CACHD1: variants seen among roughly 807,000 people sequenced by gnomAD.
CACHD1 encodes the protein cache domain containing 1.
In CACHD1, 71 loss-of-function variants were observed where a neutral mutation model predicts 138.7. The ratio of observed to expected loss-of-function variants is 0.51; its 90% CI spans 0.42 to 0.62. The LOEUF (loss-of-function observed/expected upper bound fraction) is 0.62. CACHD1 is among the 20% of genes least tolerant of loss of function. The pLI, the probability that CACHD1 is intolerant of heterozygous loss-of-function variation, is 0.00. For missense variants in CACHD1, 1,389 were observed against 1,625.3 expected (o/e 0.85, Z 2.50); for synonymous variants, 578 against 591.5 (o/e 0.98, Z 0.33).
At chr1:64,593,794 T>C (rs1233653199) in intron 3 of CACHD1, among the ~76,000 whole-genome samples, 3 of 152,208 alleles carry the variant, frequency 2.0e-5, no homozygotes, top group Non-Finnish European at 2.9e-5. Context: ...GAAAGCTTTG[T>C]ATTTATGAAA....
chr1:64,521,322 G>C (rs1419812077), intron 1 of CACHD1, among the ~76,000 whole-genome samples: 2 of 152,202 alleles, frequency 1.3e-5, no homozygotes, highest in African/African-American at 4.8e-5. Flanking sequence ...GGGCCAGCTA[G>C]AGTATGTCTT....
intron 16 of CACHD1, among the ~76,000 whole-genome samples, chr1:64,668,525 A>G (rs1182983929): frequency 6.6e-6 from 1 of 152,150 alleles, no homozygotes; most frequent in African/African-American, 2.4e-5. Flanking sequence ...CTCAAAAAAA[A>G]AGAGAAAACT....
At position 64,658,784 on chromosome 1, in the gene CACHD1, C is replaced by T. The variant is rs1293399422; in HGVS notation, c.1862C>T (p.Thr621Ile). The T allele has an allele frequency of 1.9e-6, 3 of 1,608,028 alleles. No individual in the cohort carries two copies. Among genetic ancestry groups the T allele is most frequent in the Non-Finnish European group, 2.6e-6 (3 of 1,176,408 alleles). The change falls in exon 13 of 27, where the codon ACT becomes ATT. Residue 621 changes from threonine to isoleucine, a missense_variant. By Grantham distance (89) the Thr-to-Ile change is moderately conservative (BLOSUM62 -1). Around this residue, in one of 5 missense-constraint regions of CACHD1, gnomAD observed 1,000 missense variants for 1,114.7 expected, o/e 0.90. Coordinates refer to ENST00000651257, the MANE Select transcript of CACHD1 (RefSeq NM_020925.4). ...GTGAAACAACTGAAGAACCTCAACA[C>T]TGTTCCCAGCAGCAAGCTGCTGTAC... is the stretch of plus-strand genomic sequence containing the variant. Reference protein sequence around the residue: ...IPVKQLKNLNTVPSSKLLYHR... With the variant: ...IPVKQLKNLNIVPSSKLLYHR...
intron 26 of CACHD1, among the ~76,000 whole-genome samples, chr1:64,685,088 C>A (rs186149415): frequency 5.8e-4 from 89 of 152,242 alleles, no homozygotes; most frequent in African/African-American, 1.8e-3. Context: ...AGATTACAGG[C>A]GTGAGCCACT....
intron 1 of CACHD1, among the ~76,000 whole-genome samples, chr1:64,544,863 T>A (rs553130364): frequency 6.6e-6 from 1 of 152,312 alleles, no homozygotes; most frequent in African/African-American, 2.4e-5. Context: ...ACCCCTTTTC[T>A]TGCTGAAAAT....
chr1:64,629,132 A>C (rs1436754), intron 4 of CACHD1, among the ~76,000 whole-genome samples: 106,790 of 152,108 alleles, frequency 0.7, 38,069 homozygotes, highest in Non-Finnish European at 0.77. Context: ...TCATGGTACA[A>C]TATTAAGAGT....
chr1:64,565,661 A>G (rs1646875746), intron 2 of CACHD1, among the ~76,000 whole-genome samples: 1 of 152,210 alleles, frequency 6.6e-6, no homozygotes, highest in Non-Finnish European at 1.5e-5. Flanking sequence ...CATTTCTGAA[A>G]GAGAGCCTGA....
At chr1:64,577,576 G>C (rs745779109) in intron 2 of CACHD1, among the ~76,000 whole-genome samples, 1 of 152,090 alleles carries the variant, frequency 6.6e-6, no homozygotes, top group Non-Finnish European at 1.5e-5. Flanking sequence ...TTGTAACCTT[G>C]AGCAAATTAC....
intron 3 of CACHD1, among the ~76,000 whole-genome samples, chr1:64,595,802 A>G (rs768835979): frequency 4.6e-5 from 7 of 152,188 alleles, no homozygotes; most frequent in Non-Finnish European, 1.0e-4. Context: ...GTGGTAGGGA[A>G]ATGGCGAAAA....
chr1:64,536,337 C>T (rs1305792537), intron 1 of CACHD1, among the ~76,000 whole-genome samples: 2 of 152,192 alleles, frequency 1.3e-5, no homozygotes, highest in East Asian at 1.9e-4. Flanking sequence ...AGAACCCATG[C>T]TCTTTCCACT....
At chr1:64,660,722 A>T (rs1210352307) in intron 13 of CACHD1, among the ~76,000 whole-genome samples, 1 of 151,778 alleles carries the variant, frequency 6.6e-6, no homozygotes, top group Non-Finnish European at 1.5e-5. Flanking sequence ...GTAAAGATGG[A>T]GTTTCACCAT....
intron 4 of CACHD1, among the ~76,000 whole-genome samples, chr1:64,603,449 A>G (rs1418408520): frequency 6.6e-6 from 1 of 152,174 alleles, no homozygotes; most frequent in Admixed American, 6.5e-5. Flanking sequence ...TACATGCCAA[A>G]TACCTTTCTA....
Position 64,676,899 on chromosome 1 carries a change from CCCAGCTGCGAGGTCCA to C in CACHD1, c.2985_3000del (p.Ser995ArgfsTer4). The stretch of plus-strand genomic sequence containing the variant: ...CCAGACTTACCTCCTGCACAGAAAC[CCCAGCTGCGAGGTCCA>C]CCAGGAGCCGGTGACATACACAGCT... On this transcript the variant is annotated frameshift_variant, in exon 22 of 27. Coordinates refer to ENST00000651257, the MANE Select transcript of CACHD1 (RefSeq NM_020925.4). LOFTEE classifies it high-confidence loss of function. The C allele has an allele frequency of 6.2e-7, 1 of 1,613,344 alleles. No homozygotes were observed. Among genetic ancestry groups the C allele is most frequent in the African/African-American group, 1.3e-5 (1 of 74,978 alleles).
intron 19 of CACHD1, among the ~76,000 whole-genome samples, chr1:64,674,648 A>G (rs1649924834): frequency 1.3e-5 from 2 of 152,232 alleles, no homozygotes; most frequent in South Asian, 2.1e-4. Context: ...TATGATTCTC[A>G]GAACTAAGCT....
chr1:64,629,716 T>C (rs965588285), intron 5 of CACHD1, among the ~76,000 whole-genome samples: 1 of 152,060 alleles, frequency 6.6e-6, no homozygotes, highest in African/African-American at 2.4e-5. Flanking sequence ...TATAAAAAGG[T>C]ACTTACTCGT....
chr1:64,638,864 A>G (rs1477158454), intron 7 of CACHD1, among the ~76,000 whole-genome samples: 1 of 152,202 alleles, frequency 6.6e-6, no homozygotes, highest in Non-Finnish European at 1.5e-5. Context: ...ACCAAATTTG[A>G]CAGATCTGAT....
intron 12 of CACHD1, among the ~76,000 whole-genome samples, chr1:64,656,456 GT>G (rs1448346282): frequency 6.6e-6 from 1 of 152,160 alleles, no homozygotes; most frequent in Non-Finnish European, 1.5e-5. Flanking sequence ...AGACTTTTGT[GT>G]TTGAAATTAG....
intron 8 of CACHD1, 58 bp from the exon 9 acceptor site, chr1:64,647,743 G>T: frequency 6.8e-7 from 1 of 1,469,566 alleles, no homozygotes; most frequent in Non-Finnish European, 9.5e-7. Context: ...ATGGCAAGAG[G>T]TTGAATGGAT....
At chr1:64,591,353 G>A (rs561745306) in intron 3 of CACHD1, among the ~76,000 whole-genome samples, 5 of 152,208 alleles carry the variant, frequency 3.3e-5, no homozygotes, top group African/African-American at 9.6e-5. Flanking sequence ...AACCCCAAGC[G>A]TAGAAATGAC....
Sources: allele counts gnomAD v4.1 joint callset (sites outside exome capture counted in the v4.1 genomes callset), GRCh38; gene constraint gnomAD v4.1.1; regional missense constraint gnomAD v4.1.1; transcripts MANE v1.5; gene names NCBI Gene and HGNC (gene_info 2026-07-23, HGNC 2026-07-21).